SWT1: variants seen among roughly 807,000 people sequenced by gnomAD.
SWT1 encodes transcriptional protein SWT1.
In SWT1, 33 loss-of-function variants were observed where a neutral mutation model predicts 107.3. That is an observed-to-expected ratio of 0.31 (90% CI 0.23 to 0.41). The LOEUF (loss-of-function observed/expected upper bound fraction) is 0.41. SWT1 is among the 10% of genes least tolerant of loss of function. The probability of loss-of-function intolerance (pLI) is 1.00; values close to 1 mark genes in which losing one functional copy is unlikely to be tolerated. For synonymous variants in SWT1, 345 were observed against 348.3 expected (o/e 0.99, Z 0.11); for missense variants, 898 against 1,028.9 (o/e 0.87, Z 1.74).
chr1:185,250,803 C>G (rs1437287404), intron 16 of SWT1, among the ~76,000 whole-genome samples: 3 of 152,140 alleles, frequency 2.0e-5, no homozygotes, highest in Non-Finnish European at 4.4e-5. Flanking sequence ...GCTGGGACTA[C>G]AGGCATGCAC....
chr1:185,284,309 TC>T (rs1438767398), intron 18 of SWT1, among the ~76,000 whole-genome samples: 2 of 152,250 alleles, frequency 1.3e-5, no homozygotes, highest in Admixed American at 6.5e-5. Flanking sequence ...GGGTTGGCTT[TC>T]TTTCTGTTAT....
In SWT1 at chr1:185,221,851, C is replaced by A. The variant is rs986979899; in HGVS notation, c.2124C>A (p.Val708=). 18 of 1,564,434 alleles carry A rather than the reference C, an allele frequency of 1.2e-5. No homozygotes were observed. The highest frequency in any genetic ancestry group is 1.6e-5 in the Non-Finnish European group (18 of 1,158,906). ...TTATGTAATTCTTATTTCCCCAGGT[C>A]AAGACAAAACTTAAGCCAAATTCTT... The part of the protein sequence containing the change: ...VNNLLQTFAE[V]KTKLKPNSSE... The change falls in exon 15 of 19, where the codon GTC becomes GTA. Residue 708 remains valine, a splice_region_variant and synonymous_variant. Transcript: ENST00000367500.
chr1:185,194,545 T>C (rs1168392055), intron 10 of SWT1, among the ~76,000 whole-genome samples: 1 of 152,054 alleles, frequency 6.6e-6, no homozygotes, highest in East Asian at 1.9e-4. Context: ...CTGTTGTATA[T>C]ATTGTCCCAT....
intron 2 of SWT1, among the ~76,000 whole-genome samples, chr1:185,162,119 C>G (rs1314412319): frequency 1.3e-5 from 2 of 152,312 alleles, no homozygotes; most frequent in Non-Finnish European, 2.9e-5. Context: ...ATACAGTACT[C>G]TGTGTAATTT....
intron 13 of SWT1, among the ~76,000 whole-genome samples, chr1:185,211,957 CA>C (rs573563387): frequency 6.7e-6 from 1 of 150,254 alleles, no homozygotes; most frequent in Non-Finnish European, 1.5e-5. Flanking sequence ...ATCGCAAGGA[CA>C]AAAAACCAAA....
Position 185,276,457 on chromosome 1 carries a change from G to A in SWT1, c.2509-147G>A, listed in dbSNP as rs115759382. 24 of 446,754 alleles carry A rather than the reference G, an allele frequency of 5.4e-5. No individual in the cohort carries two copies. In the East Asian group the frequency reaches 7.3e-4, roughly 14 times the overall value. 27.7% of individuals were successfully genotyped at this position (446,754 alleles called of 1,614,324 possible). ...ACAGTTCCATGTTAGCATTATAGTCGTTGCACTTCTTATTGTTGCTGTTTA... is the reference window on the plus strand; with the variant it reads ...ACAGTTCCATGTTAGCATTATAGTCATTGCACTTCTTATTGTTGCTGTTTA... On this transcript the variant is annotated intron_variant, in intron 17 of 18. Coordinates refer to ENST00000367500, the MANE Select transcript of SWT1 (RefSeq NM_017673.7).
At chr1:185,184,968 A>G (rs1236612335) in intron 9 of SWT1, 37 bp downstream of exon 9, 1 of 1,362,738 alleles carries the variant, frequency 7.3e-7, no homozygotes, top group Non-Finnish European at 9.7e-7. Flanking sequence ...CCTGATTAAT[A>G]CTTGTTTGGG....
intron 15 of SWT1, chr1:185,227,102 G>A (rs1222141976): frequency 8.2e-7 from 1 of 1,215,338 alleles, no homozygotes; most frequent in Non-Finnish European, 1.2e-6. Flanking sequence ...TCTGGCCCAT[G>A]ATGTGCTTCC....
chr1:185,183,352 G>A (rs1007751841), intron 7 of SWT1, among the ~76,000 whole-genome samples: 8 of 151,796 alleles, frequency 5.3e-5, no homozygotes, highest in African/African-American at 1.9e-4. Flanking sequence ...TGGAATTGGA[G>A]CTATCTCCAC....
At chr1:185,249,143 C>T (rs558527112) in intron 16 of SWT1, among the ~76,000 whole-genome samples, 8 of 152,242 alleles carry the variant, frequency 5.3e-5, no homozygotes, top group African/African-American at 1.9e-4. Flanking sequence ...GATGCTGCCT[C>T]TCAAGTGAAA....
rs1393438113 is a variant in SWT1 at position 185,291,708 on chromosome 1, A to G, written c.*905A>G. ...TGGTAAGATTTGGCTTTTTACTTCC[A>G]AATTGTTTCTGATATGTACATAAGG... is the stretch of plus-strand genomic sequence containing the variant. On this transcript the variant is annotated 3_prime_UTR_variant, in exon 19 of 19. Coordinates refer to ENST00000367500, the MANE Select transcript of SWT1 (RefSeq NM_017673.7). The G allele has an allele frequency of 6.6e-6, 1 of 152,618 alleles. No homozygotes were observed. Among genetic ancestry groups the G allele is most frequent in the Non-Finnish European group, 1.5e-5 (1 of 68,034 alleles). The allele number at this position is 152,618 out of a possible 1,614,324, so 9.5% of individuals were successfully genotyped here.
chr1:185,238,943 G>C (rs1261225093), intron 16 of SWT1, among the ~76,000 whole-genome samples: 1 of 151,872 alleles, frequency 6.6e-6, no homozygotes, highest in Non-Finnish European at 1.5e-5. Flanking sequence ...GCAATTTGTA[G>C]TGACTGCAAA....
At chr1:185,272,800 C>T (rs1341836424) in intron 17 of SWT1, among the ~76,000 whole-genome samples, 1 of 152,086 alleles carries the variant, frequency 6.6e-6, no homozygotes, top group Non-Finnish European at 1.5e-5. Context: ...CTTCGGGAGG[C>T]TGAGGTCAGT....
intron 9 of SWT1, among the ~76,000 whole-genome samples, chr1:185,185,391 A>T (rs1279895900): frequency 1.3e-5 from 2 of 152,024 alleles, no homozygotes; most frequent in African/African-American, 4.8e-5. Context: ...CCCTCATTTA[A>T]TTTTTTTCAA....
At chr1:185,189,630 C>T (rs1484376646) in intron 9 of SWT1, among the ~76,000 whole-genome samples, 1 of 152,062 alleles carries the variant, frequency 6.6e-6, no homozygotes, top group Non-Finnish European at 1.5e-5. Flanking sequence ...CTTCTGATCA[C>T]ATTTCTTTCC....
Position 185,244,479 on chromosome 1 carries a change from G to A in SWT1, c.2441+12771G>A, listed in dbSNP as rs118149743. ...ATAGAAAAGGCATGCTTAAAAATAC[G>A]GTATAAAAGATAAAAAAAAGGTATA... On this transcript the variant is annotated intron_variant, in intron 16 of 18. Transcript: ENST00000367500. Among the ~76,000 whole-genome samples, 118 of 151,990 alleles carry A rather than the reference G, an allele frequency of 7.8e-4. No homozygotes were observed. The East Asian group carries it at 0.017, about 22-fold the overall frequency.
intron 13 of SWT1, 57 bp from the exon 14 acceptor site, chr1:185,214,450 T>G (rs1258078446): frequency 4.7e-5 from 64 of 1,369,896 alleles, no homozygotes; most frequent in Non-Finnish European, 6.3e-5. Context: ...TCCAAAGACA[T>G]TTTTATGATG....
At chr1:185,288,961 A>C (rs1161075521) in intron 18 of SWT1, among the ~76,000 whole-genome samples, 2 of 152,154 alleles carry the variant, frequency 1.3e-5, no homozygotes, top group African/African-American at 4.8e-5. Flanking sequence ...CCTTGGTTTA[A>C]GGTTACTAAC....
chr1:185,291,225 C>G lies in SWT1; in HGVS notation c.*422C>G, dbSNP rs1319293769. On this transcript the variant is annotated 3_prime_UTR_variant, in exon 19 of 19. Transcript: ENST00000367500. ...CCCTAAGAAATCATTAGGGCATGAT[C>G]ATGCTCACCATATTTCACAAATGAA... The G allele has an allele frequency of 1.3e-5, 2 of 152,788 alleles. No individual in the cohort carries two copies. The highest frequency in any genetic ancestry group is 6.3e-3 in the Middle Eastern group (2 of 318). 9.5% of individuals were successfully genotyped at this position (152,788 alleles called of 1,614,324 possible).
Sources: allele counts gnomAD v4.1 joint callset (sites outside exome capture counted in the v4.1 genomes callset), GRCh38; gene constraint gnomAD v4.1.1; transcripts MANE v1.5; gene names NCBI Gene and HGNC (gene_info 2026-07-23, HGNC 2026-07-21).